The following ZC3H12B variants were observed in gnomAD, a reference collection of about 807,000 sequenced individuals.
ZC3H12B encodes the protein zinc finger CCCH-type containing 12B.
A neutral mutation model predicts 43.9 loss-of-function variants in ZC3H12B; 7 were observed. The ratio of observed to expected loss-of-function variants is 0.16; its 90% CI spans 0.09 to 0.30. ZC3H12B has a LOEUF of 0.30. ZC3H12B is among the 10% of genes least tolerant of loss of function. ZC3H12B has a pLI of 1.00. For synonymous variants in ZC3H12B, 222 were observed against 241.7 expected, an observed-to-expected ratio of 0.92 and a Z score of 0.76; for missense variants, 475 against 670.2, an observed-to-expected ratio of 0.71 and a Z score of 3.22.
the ZC3H12B span, among the ~76,000 whole-genome samples, chrX:65,195,175 G>C: frequency 9.1e-6 from 1 of 109,445 alleles, no homozygotes; most frequent in South Asian, 4.0e-4. Flanking sequence ...TATTATTGAT[G>C]AGTAAGGGTT....
chrX:65,295,832 C>G, the ZC3H12B span, among the ~76,000 whole-genome samples: 2 of 111,021 alleles, frequency 1.8e-5, no homozygotes, highest in African/African-American at 6.5e-5. Context: ...TGGAAATATA[C>G]AGCCCTCCTA....
chrX:65,205,327 C>T, the ZC3H12B span, among the ~76,000 whole-genome samples: 1 of 111,184 alleles, frequency 9.0e-6, no homozygotes, highest in South Asian at 3.7e-4. Flanking sequence ...AAAGAAGTAA[C>T]CAAAATTTTA....
At chrX:65,302,815 T>G in the ZC3H12B span, among the ~76,000 whole-genome samples, 1 of 111,865 alleles carries the variant, frequency 8.9e-6, no homozygotes, top group African/African-American at 3.2e-5. Context: ...ACACAAATAA[T>G]TTAGTGGAAC....
chrX:65,215,940 G>A, the ZC3H12B span, among the ~76,000 whole-genome samples: 4 of 111,461 alleles, frequency 3.6e-5, no homozygotes, highest in Non-Finnish European at 5.6e-5. Flanking sequence ...GAGGAAGAGA[G>A]ATGTGGAAGT....
the ZC3H12B span, among the ~76,000 whole-genome samples, chrX:65,176,234 G>C: frequency 3.6e-5 from 4 of 111,494 alleles, no homozygotes; most frequent in African/African-American, 6.5e-5. Flanking sequence ...TGAGGCTTGA[G>C]TAGGCAGTTT....
chrX:65,394,535 G>A (rs1241501136), intron 2 of ZC3H12B, among the ~76,000 whole-genome samples: 1 of 111,617 alleles, frequency 9.0e-6, no homozygotes, highest in African/African-American at 3.3e-5. Flanking sequence ...TATTTCTGAG[G>A]CCTGTGTCCG....
At chrX:65,437,088 G>T (rs2067230560) in intron 3 of ZC3H12B, among the ~76,000 whole-genome samples, 1 of 110,667 alleles carries the variant, frequency 9.0e-6, no homozygotes, top group South Asian at 3.9e-4. Flanking sequence ...AAGTAGCTGG[G>T]ATTACAGGTG....
At chrX:65,054,063 G>A in the ZC3H12B span, among the ~76,000 whole-genome samples, 1 of 112,408 alleles carries the variant, frequency 8.9e-6, no homozygotes, top group Admixed American at 9.4e-5. Flanking sequence ...TAGGTTGCCT[G>A]TTCACTCTGA....
chrX:65,455,373 A>G (rs1417806371), intron 3 of ZC3H12B, among the ~76,000 whole-genome samples: 3 of 112,461 alleles, frequency 2.7e-5, no homozygotes, highest in Non-Finnish European at 5.6e-5. Flanking sequence ...AAGAAAGGGT[A>G]TCAGTGATTG....
the ZC3H12B span, among the ~76,000 whole-genome samples, chrX:65,091,437 G>A: frequency 2.7e-5 from 3 of 112,012 alleles, no homozygotes; most frequent in African/African-American, 9.7e-5. Context: ...CCAAGTTTAT[G>A]GTAATTTGTT....
chrX:65,428,398 A>G (rs767879122), intron 3 of ZC3H12B, among the ~76,000 whole-genome samples: 12 of 112,123 alleles, frequency 1.1e-4, no homozygotes, highest in Non-Finnish European at 2.3e-4. Flanking sequence ...TACCTCTATC[A>G]GTCTTAAGTT....
At chrX:65,193,350 C>T in the ZC3H12B span, among the ~76,000 whole-genome samples, 1 of 111,285 alleles carries the variant, frequency 9.0e-6, no homozygotes. Flanking sequence ...TGAATTTTTT[C>T]ATGGTTCAAT....
chrX:65,314,118 CAGA>C, the ZC3H12B span, among the ~76,000 whole-genome samples: 1 of 110,105 alleles, frequency 9.1e-6, no homozygotes, highest in Admixed American at 9.7e-5. Context: ...CTAATGCATT[CAGA>C]AGAACACAGA....
chrX:65,113,985 G>GTGTATATATATATATATA, the ZC3H12B span, among the ~76,000 whole-genome samples: 2 of 47,481 alleles, frequency 4.2e-5, no homozygotes, highest in African/African-American at 1.1e-4. Context: ...AGATATGCTT[G>GTGTATATATATATATATA]TATATATATA....
intron 2 of ZC3H12B, 106 bp downstream of exon 4, chrX:65,369,104 A>G (rs1206341508): frequency 1.8e-5 from 2 of 111,985 alleles, no homozygotes; most frequent in African/African-American, 3.2e-5. Context: ...TTTTATTTAT[A>G]AGAAAGTGAA....
At chrX:65,167,116 C>T in the ZC3H12B span, among the ~76,000 whole-genome samples, 8 of 111,616 alleles carry the variant, frequency 7.2e-5, no homozygotes, top group East Asian at 2.0e-3. Context: ...AAGTACTTGC[C>T]CATGCCTATG....
chrX:65,270,463 C>T, the ZC3H12B span, among the ~76,000 whole-genome samples: 1 of 111,750 alleles, frequency 8.9e-6, no homozygotes, highest in Non-Finnish European at 1.9e-5. Context: ...GTCCTTGACA[C>T]TGGCATTGGC....
the ZC3H12B span, among the ~76,000 whole-genome samples, chrX:65,340,981 C>A: frequency 4.5e-5 from 5 of 112,052 alleles, no homozygotes; most frequent in East Asian, 1.1e-3. Context: ...CAGGAGCTTA[C>A]AGACAAAATA....
the ZC3H12B span, among the ~76,000 whole-genome samples, chrX:65,229,191 G>A: frequency 9.0e-6 from 1 of 110,902 alleles, no homozygotes; most frequent in African/African-American, 3.3e-5. Context: ...CAGAGATATA[G>A]ATCAATGGAA....
Sources: allele counts gnomAD v4.1 joint callset (sites outside exome capture counted in the v4.1 genomes callset), GRCh38; gene constraint gnomAD v4.1.1; transcripts MANE v1.5; gene names NCBI Gene and HGNC (gene_info 2026-07-23, HGNC 2026-07-21).